Variants in MGAT4D observed in about 807,000 individuals in gnomAD.
The protein encoded by MGAT4D is MGAT4 family member D.
A neutral mutation model predicts 15.9 loss-of-function variants in MGAT4D; 34 were observed. The observed-to-expected ratio is 2.14, with a 90% confidence interval of 1.62 to 2.84. The LOEUF is 2.84. Among genes scored for constraint, MGAT4D ranks in the 30% most tolerant of loss-of-function variants. The pLI is 0.00. For synonymous variants in MGAT4D, 112 were observed against 48.2 expected (o/e 2.33, Z -5.49); for missense variants, 327 against 140.2 (o/e 2.33, Z -6.73).
chr4:140,465,221 G>A (rs1731454918), intron 5 of MGAT4D, among the ~76,000 whole-genome samples: 1 of 151,972 alleles, frequency 6.6e-6, no homozygotes, highest in Non-Finnish European at 1.5e-5. Flanking sequence ...TATAAAATTA[G>A]TTTCTTCTTA....
At chr4:140,494,779 G>A (rs909861133) in intron 1 of MGAT4D, among the ~76,000 whole-genome samples, 5 of 152,260 alleles carry the variant, frequency 3.3e-5, no homozygotes, top group African/African-American at 9.6e-5. Context: ...CAACGGGAGA[G>A]GGGGTGTTGC....
chr4:140,457,095 TATCA>T (rs1269685954), intron 8 of MGAT4D: 1 of 152,446 alleles, frequency 6.6e-6, no homozygotes, highest in African/African-American at 2.4e-5. Context: ...TGTAGCACTT[TATCA>T]ATCTACTACA....
At chr4:140,452,025 A>G (rs1322023080) in intron 9 of MGAT4D, among the ~76,000 whole-genome samples, 1 of 150,864 alleles carries the variant, frequency 6.6e-6, no homozygotes, top group African/African-American at 2.4e-5. Flanking sequence ...AGGATGACCT[A>G]TGGCACCACT....
intron 1 of MGAT4D, among the ~76,000 whole-genome samples, chr4:140,482,965 C>A (rs754045638): frequency 2.6e-5 from 4 of 152,058 alleles, no homozygotes; most frequent in South Asian, 2.1e-4. Context: ...TGGAACTGAC[C>A]AAAGTGCCCA....
intron 1 of MGAT4D, among the ~76,000 whole-genome samples, 160 bp downstream of exon 1, chr4:140,497,969 C>T (rs1733948510): frequency 6.6e-6 from 1 of 152,146 alleles, no homozygotes; most frequent in South Asian, 2.1e-4. Context: ...TAGGCGCGGC[C>T]TCGGGAAGGC....
chr4:140,455,010 C>CT (rs1730708237), intron 9 of MGAT4D, among the ~76,000 whole-genome samples: 1 of 151,990 alleles, frequency 6.6e-6, no homozygotes, highest in African/African-American at 2.4e-5. Flanking sequence ...TTTTATTGCT[C>CT]TTTTTAAAAA....
At chr4:140,461,643 T>G (rs554688529) in intron 7 of MGAT4D, among the ~76,000 whole-genome samples, 55 of 152,228 alleles carry the variant, frequency 3.6e-4, no homozygotes, top group Non-Finnish European at 2.8e-4. Context: ...TTTTGAGATT[T>G]TCTTTTCAGT....
chr4:140,467,785 T>G (rs529491679), intron 5 of MGAT4D, among the ~76,000 whole-genome samples: 5 of 151,924 alleles, frequency 3.3e-5, no homozygotes, highest in Non-Finnish European at 7.4e-5. Flanking sequence ...CATACAAGAG[T>G]GGAAATCTTA....
chr4:140,444,855 C>T (rs949072908), intron 10 of MGAT4D, among the ~76,000 whole-genome samples: 1 of 150,172 alleles, frequency 6.7e-6, no homozygotes, highest in African/African-American at 2.4e-5. Flanking sequence ...TCTTTTTTCT[C>T]TGCAACCTCA....
intron 10 of MGAT4D, among the ~76,000 whole-genome samples, chr4:140,444,838 TAA>T (rs1221279737): frequency 2.0e-5 from 3 of 152,058 alleles, no homozygotes; most frequent in African/African-American, 7.2e-5. Context: ...CAGCACTGTA[TAA>T]GTGTTCTTTT....
intron 1 of MGAT4D, 136 bp from the exon 2 acceptor site, chr4:140,482,621 T>C: frequency 2.5e-6 from 1 of 400,116 alleles, no homozygotes; most frequent in Non-Finnish European, 4.4e-6. Flanking sequence ...TGTGTATATA[T>C]ACAGTACTAT....
intron 4 of MGAT4D, 146 bp downstream of exon 4, chr4:140,474,667 C>T: frequency 2.4e-6 from 1 of 422,808 alleles, no homozygotes; most frequent in East Asian, 3.5e-5. Context: ...AGTATGTTGT[C>T]TGGTATCCAA....
intron 5 of MGAT4D, among the ~76,000 whole-genome samples, chr4:140,470,292 C>T (rs1731838509): frequency 6.6e-6 from 1 of 152,236 alleles, no homozygotes; most frequent in African/African-American, 2.4e-5. Context: ...AACCCTCTCA[C>T]TTAATGACGC....
At chr4:140,492,204 C>G (rs1733546966) in intron 1 of MGAT4D, among the ~76,000 whole-genome samples, 1 of 151,976 alleles carries the variant, frequency 6.6e-6, no homozygotes, top group South Asian at 2.1e-4. Context: ...CAAACACAAG[C>G]CACGAGGAGA....
intron 9 of MGAT4D, among the ~76,000 whole-genome samples, chr4:140,455,753 T>C (rs1730754339): frequency 6.6e-6 from 1 of 152,232 alleles, no homozygotes; most frequent in Admixed American, 6.5e-5. Flanking sequence ...TGTTGTCTTC[T>C]TGGTAAATTA....
chr4:140,482,025 T>A (rs1732764752), intron 2 of MGAT4D, among the ~76,000 whole-genome samples: 1 of 152,176 alleles, frequency 6.6e-6, no homozygotes, highest in African/African-American at 2.4e-5. Context: ...TTTACTGACA[T>A]GGAAGTATGC....
intron 4 of MGAT4D, 113 bp from the exon 5 acceptor site, chr4:140,471,934 A>G: frequency 3.8e-6 from 1 of 260,918 alleles, no homozygotes; most frequent in Non-Finnish European, 7.1e-6. Flanking sequence ...ATTGCATACT[A>G]ATAATTTTTA....
At chr4:140,487,099 T>C (rs989496085) in intron 1 of MGAT4D, among the ~76,000 whole-genome samples, 7 of 152,222 alleles carry the variant, frequency 4.6e-5, no homozygotes, top group Non-Finnish European at 1.0e-4. Flanking sequence ...TTAAAGGACA[T>C]AATCTCTAAT....
chr4:140,468,927 C>T (rs1446925972), intron 5 of MGAT4D, among the ~76,000 whole-genome samples: 1 of 152,024 alleles, frequency 6.6e-6, no homozygotes, highest in Non-Finnish European at 1.5e-5. Flanking sequence ...TACTCTTTCA[C>T]CTGCTCTCAT....
Sources: gnomAD v4.1 joint callset for allele counts (sites outside exome capture counted in the v4.1 genomes callset) on GRCh38, gnomAD v4.1.1 for gene constraint, MANE v1.5 for transcripts, NCBI Gene and HGNC (gene_info 2026-07-23, HGNC 2026-07-21) for gene names.